TTLL5: variants seen among roughly 807,000 people sequenced by gnomAD.
TTLL5 encodes the protein tubulin tyrosine ligase like 5.
In TTLL5, 132 loss-of-function variants were observed where a neutral mutation model predicts 168.4. That is an observed-to-expected ratio of 0.78 (90% CI 0.68 to 0.91). TTLL5 has a LOEUF of 0.91. Among genes scored for constraint, TTLL5 ranks in the 40% least tolerant of loss-of-function variants. TTLL5 has a pLI of 0.00. For missense variants in TTLL5, 1,545 were observed against 1,581.5 expected (o/e 0.98, Z 0.39); for synonymous variants, 546 against 558.6 (o/e 0.98, Z 0.32).
chr14:75,784,032 C>CT (rs1273577912), intron 26 of TTLL5, among the ~76,000 whole-genome samples: 1 of 152,156 alleles, frequency 6.6e-6, no homozygotes, highest in African/African-American at 2.4e-5. Flanking sequence ...AATTTACATT[C>CT]TATCAAATTC....
rs543155687 is a variant in TTLL5 at position 75,954,467 on chromosome 14, C to T, written c.*21C>T. The T allele has an allele frequency of 3.6e-5, 58 of 1,613,566 alleles. No homozygotes were observed. In the South Asian group the frequency reaches 5.6e-4, roughly 16 times the overall value. On this transcript the variant is annotated 3_prime_UTR_variant, in exon 32 of 32. Transcript: ENST00000298832. ...TATGAACCACAAACACACAGAGAAACAACCTGTTCACCACTCCTGGGTGCA... is the reference window on the plus strand; with the variant it reads ...TATGAACCACAAACACACAGAGAAATAACCTGTTCACCACTCCTGGGTGCA...
intron 3 of TTLL5, among the ~76,000 whole-genome samples, chr14:75,672,803 G>A (rs749279340): frequency 3.6e-4 from 54 of 152,098 alleles, no homozygotes; most frequent in Admixed American, 1.3e-4. Flanking sequence ...ACTGTTCATA[G>A]TATTCTTTTA....
chr14:75,877,931 T>C (rs1296450921), intron 29 of TTLL5, among the ~76,000 whole-genome samples: 2 of 152,226 alleles, frequency 1.3e-5, no homozygotes, highest in East Asian at 1.9e-4. Flanking sequence ...TTTCTTCTTA[T>C]CAGGTTTGAT....
chr14:75,671,047 A>G (rs1883701772), intron 3 of TTLL5, among the ~76,000 whole-genome samples: 2 of 152,156 alleles, frequency 1.3e-5, no homozygotes, highest in South Asian at 4.1e-4. Context: ...TTAGGGCTCA[A>G]TAGTCTTTGA....
intron 5 of TTLL5, among the ~76,000 whole-genome samples, chr14:75,688,284 C>T (rs1333790841): frequency 6.6e-6 from 1 of 152,084 alleles, no homozygotes; most frequent in African/African-American, 2.4e-5. Context: ...ATCAATTATG[C>T]CTGTGTAATG....
At chr14:75,835,193 C>T (rs1895803452) in intron 28 of TTLL5, among the ~76,000 whole-genome samples, 1 of 152,200 alleles carries the variant, frequency 6.6e-6, no homozygotes, top group Non-Finnish European at 1.5e-5. Flanking sequence ...GTCTTTGCAA[C>T]ACACTTCCAC....
At chr14:75,930,230 G>A (rs942062583) in intron 31 of TTLL5, among the ~76,000 whole-genome samples, 1 of 152,176 alleles carries the variant, frequency 6.6e-6, no homozygotes, top group Non-Finnish European at 1.5e-5. Context: ...AACCTATAAT[G>A]TAGAGAATGA....
chr14:75,942,035 G>T (rs2034624443), intron 31 of TTLL5, among the ~76,000 whole-genome samples: 1 of 151,014 alleles, frequency 6.6e-6, no homozygotes, highest in Non-Finnish European at 1.5e-5. Flanking sequence ...AAAAAAACTA[G>T]CCAGGTGTGT....
intron 31 of TTLL5, among the ~76,000 whole-genome samples, chr14:75,905,415 T>C (rs2033103075): frequency 6.6e-6 from 1 of 152,156 alleles, no homozygotes; most frequent in African/African-American, 2.4e-5. Context: ...CAACTCAGAG[T>C]CCTTTCCTAT....
intron 12 of TTLL5, among the ~76,000 whole-genome samples, chr14:75,726,948 C>G (rs144785661): frequency 6.5e-4 from 99 of 152,270 alleles, no homozygotes; most frequent in African/African-American, 2.3e-3. Context: ...ATATTACTAG[C>G]AATGACTGAC....
At chr14:75,753,214 CTTCT>C (rs1566588785) in intron 18 of TTLL5, among the ~76,000 whole-genome samples, 1 of 152,106 alleles carries the variant, frequency 6.6e-6, no homozygotes, top group Non-Finnish European at 1.5e-5. Flanking sequence ...AAACTTTATT[CTTCT>C]TTAAGGAAGG....
intron 30 of TTLL5, among the ~76,000 whole-genome samples, chr14:75,901,177 A>G (rs1041811835): frequency 6.6e-6 from 1 of 152,230 alleles, no homozygotes; most frequent in South Asian, 2.1e-4. Flanking sequence ...TTTCAAAAAA[A>G]TTTATAAATA....
chr14:75,895,755 A>G (rs940859659), intron 30 of TTLL5, among the ~76,000 whole-genome samples: 2 of 152,206 alleles, frequency 1.3e-5, no homozygotes, highest in Non-Finnish European at 2.9e-5. Context: ...GTTTAATTCG[A>G]AAAGCTATGA....
chr14:75,665,864 A>G lies in TTLL5; in HGVS notation c.74+2641A>G, dbSNP rs528947186. Among the ~76,000 whole-genome samples, 6 of 152,310 alleles carry G rather than the reference A, an allele frequency of 3.9e-5. No individual in the cohort carries two copies. The South Asian group carries it at 1.0e-3, about 26-fold the overall frequency. Reference sequence around the variant, plus strand: ...GAGACTCCGTCTCAAACAAAACAAAACAAAAAAACTGCTGTAATTTTAGAT... The same window carrying G: ...GAGACTCCGTCTCAAACAAAACAAAGCAAAAAAACTGCTGTAATTTTAGAT... On this transcript the variant is annotated intron_variant, in intron 2 of 31. Transcript: ENST00000298832.
chr14:75,791,480 A>G (rs941890801), intron 26 of TTLL5, among the ~76,000 whole-genome samples: 1 of 151,582 alleles, frequency 6.6e-6, no homozygotes, highest in African/African-American at 2.4e-5. Flanking sequence ...GTAGATCTCA[A>G]AAACGAGCAA....
intron 31 of TTLL5, among the ~76,000 whole-genome samples, chr14:75,947,991 C>T (rs2034830227): frequency 6.6e-6 from 1 of 151,822 alleles, no homozygotes; most frequent in African/African-American, 2.4e-5. Context: ...GGCTTGATCT[C>T]ATAGGCGTGT....
chr14:75,694,349 T>C (rs1885675470), intron 6 of TTLL5, among the ~76,000 whole-genome samples: 1 of 152,120 alleles, frequency 6.6e-6, no homozygotes, highest in African/African-American at 2.4e-5. Context: ...ATTAACTTCT[T>C]TTTTTTTGAG....
rs144293833 is a variant in TTLL5 at position 75,808,297 on chromosome 14, A to G, written c.3172-11710A>G. On this transcript the variant is annotated intron_variant, in intron 27 of 31. Coordinates refer to ENST00000298832, the MANE Select transcript of TTLL5 (RefSeq NM_015072.5). ...TGCCAAGAGAATTTAGTGCTGAGGT[A>G]TTGGAACTGCAGAGATTCCCTGCTT... Among the ~76,000 whole-genome samples, 3 of 152,322 alleles carry G rather than the reference A, an allele frequency of 2.0e-5. No individual in the cohort carries two copies. In the South Asian group the frequency reaches 6.2e-4, roughly 32 times the overall value.
intron 18 of TTLL5, chr14:75,757,868 C>T (rs761966758): frequency 2.3e-5 from 36 of 1,589,120 alleles, no homozygotes; most frequent in African/African-American, 5.4e-5. Context: ...AGGAAGAACA[C>T]GGTAATTGAC....
Sources: gnomAD v4.1 joint callset for allele counts (sites outside exome capture counted in the v4.1 genomes callset) on GRCh38, gnomAD v4.1.1 for gene constraint, MANE v1.5 for transcripts, NCBI Gene and HGNC (gene_info 2026-07-23, HGNC 2026-07-21) for gene names.